RARB: variants seen among roughly 807,000 people sequenced by gnomAD.
The protein encoded by RARB is HBV-activated protein.
RARB carries 17 observed loss-of-function variants against 51.9 expected under a neutral mutation model. That is an observed-to-expected ratio of 0.33 (90% confidence interval 0.22 to 0.49). RARB has a LOEUF of 0.49. Ranked by LOEUF, RARB falls within the 20% of genes least tolerant of loss-of-function variation. The pLI, the probability that RARB is intolerant of heterozygous loss-of-function variation, is 0.99. For missense variants in RARB, 369 were observed against 550.8 expected (o/e 0.67, Z 3.30); for synonymous variants, 215 against 195.4 (o/e 1.10, Z -0.84).
At chr3:25,456,792 G>T (rs555495775) in intron 1 of RARB, among the ~76,000 whole-genome samples, 258 of 149,154 alleles carry the variant, frequency 1.7e-3, no homozygotes, top group African/African-American at 6.1e-3. Context: ...CGTACATAAC[G>T]TTTTTCCCTT....
chr3:24,885,887 A>T (rs1703257500), intron 2 of RARB, among the ~76,000 whole-genome samples: 1 of 152,226 alleles, frequency 6.6e-6, no homozygotes, highest in Non-Finnish European at 1.5e-5. Flanking sequence ...AACTATATGC[A>T]CATAAAGTAG....
intron 1 of RARB, among the ~76,000 whole-genome samples, chr3:25,443,025 C>T (rs1331958772): frequency 1.3e-5 from 2 of 152,120 alleles, no homozygotes; most frequent in Non-Finnish European, 2.9e-5. Context: ...TGGGAAATAC[C>T]ATGAGCTCTC....
At chr3:25,355,865 TGTGA>T (rs1264225302) in intron 5 of RARB, among the ~76,000 whole-genome samples, 22 of 152,314 alleles carry the variant, frequency 1.4e-4, no homozygotes, top group Non-Finnish European at 2.4e-4. Context: ...TTATTTGCTT[TGTGA>T]GTAAGTCTCT....
At chr3:25,201,034 G>A (rs1027964496) in intron 5 of RARB, among the ~76,000 whole-genome samples, 1 of 152,182 alleles carries the variant, frequency 6.6e-6, no homozygotes, top group African/African-American at 2.4e-5. Context: ...ACCTTGGGCA[G>A]TATGGCCATT....
chr3:24,906,395 T>G (rs2125375559), intron 2 of RARB, among the ~76,000 whole-genome samples: 1 of 152,308 alleles, frequency 6.6e-6, no homozygotes, highest in Middle Eastern at 3.4e-3. Flanking sequence ...TAGGCAAAAT[T>G]TGACAAATGA....
rs925484938 is a variant in RARB at position 24,849,383 on chromosome 3, C to T, written c.-458-9291C>T. ...GAGAATGGCTGTGCCTGTGGCAGAG[C>T]TTAGTAATGGCTCTCAAGAAGCTGC... On this transcript the variant is annotated intron_variant, in intron 1 of 11. Coordinates refer to the RARB transcript ENST00000383772. Among the ~76,000 whole-genome samples, 5 of 152,304 alleles carry T rather than the reference C, an allele frequency of 3.3e-5. No homozygotes were observed. The East Asian group carries it at 9.6e-4, about 29-fold the overall frequency.
chr3:25,092,571 C>T (rs1699218289), intron 3 of RARB, among the ~76,000 whole-genome samples: 1 of 152,092 alleles, frequency 6.6e-6, no homozygotes, highest in Non-Finnish European at 1.5e-5. Context: ...CCCACACCAC[C>T]AAAAACAGGC....
chr3:25,096,147 A>C (rs987833445), intron 3 of RARB, among the ~76,000 whole-genome samples: 1 of 152,142 alleles, frequency 6.6e-6, no homozygotes, highest in African/African-American at 2.4e-5. Context: ...TGTTTGCTCA[A>C]CGTGGCTGGT....
intron 5 of RARB, among the ~76,000 whole-genome samples, chr3:25,251,404 G>A (rs1288932371): frequency 1.3e-5 from 2 of 152,024 alleles, no homozygotes; most frequent in South Asian, 4.2e-4. Flanking sequence ...GAATTGTTGG[G>A]CCATATGGTA....
chr3:24,949,192 A>G (rs955262791), intron 2 of RARB, among the ~76,000 whole-genome samples: 5 of 152,118 alleles, frequency 3.3e-5, no homozygotes, highest in African/African-American at 1.2e-4. Context: ...CCAATGTCAA[A>G]GGTATTGGAG....
chr3:25,100,857 A>C (rs1002863191), intron 3 of RARB, among the ~76,000 whole-genome samples: 5 of 152,212 alleles, frequency 3.3e-5, no homozygotes, highest in African/African-American at 9.6e-5. Flanking sequence ...AATGGGAAGT[A>C]GAGGAACTTG....
intron 5 of RARB, among the ~76,000 whole-genome samples, chr3:25,340,296 G>A (rs550489976): frequency 1.3e-5 from 2 of 152,216 alleles, no homozygotes; most frequent in Admixed American, 6.5e-5. Context: ...GTTTCTGTAG[G>A]AAGCTTCCCT....
chr3:25,408,726 A>G (rs894420332), intron 5 of RARB, among the ~76,000 whole-genome samples: 2 of 152,146 alleles, frequency 1.3e-5, no homozygotes, highest in African/African-American at 4.8e-5. Context: ...ATATGCCACC[A>G]TGGCACTTAA....
intron 3 of RARB, among the ~76,000 whole-genome samples, chr3:25,532,904 C>T (rs1698986834): frequency 6.6e-6 from 1 of 152,154 alleles, no homozygotes; most frequent in African/African-American, 2.4e-5. Context: ...CAGAGGCTGG[C>T]CTCAGTACTC....
At chr3:25,007,008 G>C (rs1490025401) in intron 2 of RARB, among the ~76,000 whole-genome samples, 2 of 152,136 alleles carry the variant, frequency 1.3e-5, no homozygotes, top group African/African-American at 4.8e-5. Flanking sequence ...ATATTCAGAT[G>C]CTCTTTTGAA....
intron 5 of RARB, chr3:25,258,990 G>T (rs1702933365): frequency 1.0e-6 from 1 of 974,522 alleles, no homozygotes; most frequent in Non-Finnish European, 1.2e-6. Context: ...GTTTTGCTGG[G>T]GACAAACCAT....
rs1221333519 is a variant in RARB at position 25,202,282 on chromosome 3, C to A, written c.178+27707C>A. 2.0e-5 allele frequency among the ~76,000 whole-genome samples: 3 copies of A among 151,952 alleles called. No homozygotes were observed. The East Asian group carries it at 5.8e-4, about 29-fold the overall frequency. ...ATTTATGTGGGATTGGTGGTGATATCCCCTTTACCATTTTTCATTGCGTCT... is the reference window on the plus strand; with the variant it reads ...ATTTATGTGGGATTGGTGGTGATATACCCTTTACCATTTTTCATTGCGTCT... On this transcript the variant is annotated intron_variant, in intron 5 of 11. Transcript: ENST00000383772.
chr3:25,419,238 A>C (rs1707792690), intron 5 of RARB, among the ~76,000 whole-genome samples: 1 of 152,134 alleles, frequency 6.6e-6, no homozygotes, highest in African/African-American at 2.4e-5. Context: ...CTCTGACATG[A>C]GGGTCTGATG....
intron 2 of RARB, 33 bp from the exon 3 acceptor site, chr3:25,501,149 A>G (rs1260116532): frequency 7.7e-6 from 12 of 1,555,810 alleles, no homozygotes; most frequent in Non-Finnish European, 1.0e-5. Context: ...CATTTGCTTT[A>G]CTGAGTTTTT....
Sources: gnomAD v4.1 joint callset for allele counts (sites outside exome capture counted in the v4.1 genomes callset) on GRCh38, gnomAD v4.1.1 for gene constraint, MANE v1.5 for transcripts, NCBI Gene and HGNC (gene_info 2026-07-23, HGNC 2026-07-21) for gene names.